The following TRABD2B variants were observed in gnomAD, a reference collection of about 807,000 sequenced individuals.
TRABD2B encodes TraB domain containing 2B.
A neutral mutation model predicts 40.1 loss-of-function variants in TRABD2B; 14 were observed. The observed-to-expected ratio is 0.35, with a 90% confidence interval of 0.23 to 0.55. The LOEUF is 0.55. Among genes scored for constraint, TRABD2B ranks in the 20% least tolerant of loss-of-function variants. The pLI, the probability that TRABD2B is intolerant of heterozygous loss-of-function variation, is 0.90. For missense variants in TRABD2B, 541 were observed against 648.6 expected (o/e 0.83, Z 1.80); for synonymous variants, 263 against 277.0 (o/e 0.95, Z 0.50).
intron 2 of TRABD2B, among the ~76,000 whole-genome samples, chr1:47,841,872 A>T (rs1645402203): frequency 6.7e-6 from 1 of 149,488 alleles, no homozygotes; most frequent in Non-Finnish European, 1.5e-5. Context: ...TCCTGGATTC[A>T]AACAGTTCTC....
intron 2 of TRABD2B, among the ~76,000 whole-genome samples, chr1:47,957,756 G>C (rs936610534): frequency 1.3e-5 from 2 of 152,196 alleles, no homozygotes; most frequent in Admixed American, 6.5e-5. Flanking sequence ...AAGTGACGGG[G>C]AGAATGGAAC....
At chr1:47,933,262 C>T (rs369472459) in intron 2 of TRABD2B, among the ~76,000 whole-genome samples, 2 of 151,946 alleles carry the variant, frequency 1.3e-5, no homozygotes, top group African/African-American at 4.8e-5. Context: ...CCCGCCACCA[C>T]GCCTGGCTAA....
At chr1:47,930,172 C>G (rs1645021135) in intron 2 of TRABD2B, among the ~76,000 whole-genome samples, 1 of 152,182 alleles carries the variant, frequency 6.6e-6, no homozygotes, top group African/African-American at 2.4e-5. Flanking sequence ...CATGGTGCGC[C>G]AAGGTTTAGG....
rs575929408 is a variant in TRABD2B at position 47,827,175 on chromosome 1, C to T, written c.667-25556G>A. 3.3e-5 allele frequency among the ~76,000 whole-genome samples: 5 copies of T among 152,378 alleles called. No homozygotes were observed. In the East Asian group the frequency reaches 9.6e-4, roughly 29 times the overall value. ...CTGTAATGCCATCTATCCCAGCAAG[C>T]TCCCCAAACTCAGCCTCCGGCTCAC... On this transcript the variant is annotated intron_variant, in intron 2 of 6. Transcript: ENST00000606738.
intron 2 of TRABD2B, among the ~76,000 whole-genome samples, chr1:47,880,555 G>T (rs1644288674): frequency 6.6e-6 from 1 of 152,194 alleles, no homozygotes; most frequent in Non-Finnish European, 1.5e-5. Flanking sequence ...GGCTATGAGA[G>T]AACAGAGTGG....
chr1:47,783,545 G>A (rs1393456212), intron 4 of TRABD2B, among the ~76,000 whole-genome samples: 3 of 152,306 alleles, frequency 2.0e-5, no homozygotes, highest in African/African-American at 7.2e-5. Context: ...GGGCCTAAAG[G>A]TGGACTGGAT....
At chr1:47,948,309 C>CA (rs1645288476) in intron 2 of TRABD2B, among the ~76,000 whole-genome samples, 1 of 152,120 alleles carries the variant, frequency 6.6e-6, no homozygotes, top group African/African-American at 2.4e-5. Flanking sequence ...GGCCAATAAG[C>CA]AAAATGGCTT....
At chr1:47,879,556 C>A in intron 2 of TRABD2B, among the ~76,000 whole-genome samples, 1 of 152,176 alleles carries the variant, frequency 6.6e-6, no homozygotes, top group South Asian at 2.1e-4. Context: ...AATCATCTAA[C>A]GCGTATGCGT....
At position 47,801,593 on chromosome 1, in the gene TRABD2B, C is replaced by T. The variant is rs1489651440; in HGVS notation, c.693G>A (p.Leu231=). The change falls in exon 3 of 7, where the codon CTG becomes CTA. Residue 231 remains leucine, a synonymous_variant. Coordinates refer to ENST00000606738, the MANE Select transcript of TRABD2B (RefSeq NM_001194986.2). ...SQVLFALNQT[L]LQQESVRAGS... ...CGGCCCGCACACTCTCCTGCTGCAG[C>T]AGGGTTTGGTTCAGGGCAAACAGCA... is the stretch of plus-strand genomic sequence containing the variant. 2 of 1,535,790 alleles carry T rather than the reference C, an allele frequency of 1.3e-6. No individual in the cohort carries two copies. The highest frequency in any genetic ancestry group is 1.7e-6 in the Non-Finnish European group (2 of 1,146,798).
intron 2 of TRABD2B, among the ~76,000 whole-genome samples, chr1:47,840,126 C>A (rs1645376474): frequency 6.6e-6 from 1 of 152,078 alleles, no homozygotes; most frequent in South Asian, 2.1e-4. Flanking sequence ...GTCTCTGGAC[C>A]AGGACCATGA....
chr1:47,957,522 A>G (rs923321736), intron 2 of TRABD2B, among the ~76,000 whole-genome samples: 1 of 152,188 alleles, frequency 6.6e-6, no homozygotes, highest in Admixed American at 6.5e-5. Flanking sequence ...ACCTTAAATG[A>G]CCTGATGGAG....
At chr1:47,915,614 T>C (rs1644820471) in intron 2 of TRABD2B, among the ~76,000 whole-genome samples, 1 of 152,194 alleles carries the variant, frequency 6.6e-6, no homozygotes, top group African/African-American at 2.4e-5. Context: ...GCCGGTGATT[T>C]AGGACATTCC....
At chr1:47,913,176 C>G (rs1488105828) in intron 2 of TRABD2B, among the ~76,000 whole-genome samples, 1 of 152,174 alleles carries the variant, frequency 6.6e-6, no homozygotes, top group Non-Finnish European at 1.5e-5. Flanking sequence ...TTCTCCTCTC[C>G]ATGCTTAGCC....
chr1:47,798,005 C>A (rs1644771199), intron 3 of TRABD2B, among the ~76,000 whole-genome samples: 1 of 152,128 alleles, frequency 6.6e-6, no homozygotes, highest in East Asian at 1.9e-4. Context: ...TGCACCCCTT[C>A]CCTGTAGCCC....
At chr1:47,847,871 C>T (rs1645493926) in intron 2 of TRABD2B, among the ~76,000 whole-genome samples, 1 of 152,208 alleles carries the variant, frequency 6.6e-6, no homozygotes, top group Admixed American at 6.5e-5. Context: ...TTTGATAGCG[C>T]CTCATTACAG....
intron 2 of TRABD2B, among the ~76,000 whole-genome samples, chr1:47,992,935 T>C (rs975697835): frequency 2.6e-5 from 4 of 152,228 alleles, no homozygotes; most frequent in Admixed American, 2.0e-4. Flanking sequence ...CCAGGGACAA[T>C]ATTGCATTTC....
chr1:47,897,705 G>A (rs1358185542), intron 2 of TRABD2B, among the ~76,000 whole-genome samples: 2 of 151,938 alleles, frequency 1.3e-5, no homozygotes, highest in Non-Finnish European at 2.9e-5. Context: ...CACCACACAG[G>A]TGTACACACA....
intron 2 of TRABD2B, among the ~76,000 whole-genome samples, chr1:47,846,673 ACT>A (rs1645474247): frequency 6.6e-6 from 1 of 152,144 alleles, no homozygotes; most frequent in African/African-American, 2.4e-5. Context: ...GCAGGGGCTC[ACT>A]GAGTCCTGTA....
intron 2 of TRABD2B, among the ~76,000 whole-genome samples, chr1:47,972,124 GT>G (rs1557688165): frequency 6.6e-6 from 1 of 152,184 alleles, no homozygotes. Context: ...ATTATTAGCA[GT>G]ATCATTATTA....
Sources: allele counts gnomAD v4.1 joint callset (sites outside exome capture counted in the v4.1 genomes callset), GRCh38; gene constraint gnomAD v4.1.1; transcripts MANE v1.5; gene names NCBI Gene and HGNC (gene_info 2026-07-23, HGNC 2026-07-21).